The following TTYH2 variants were observed in gnomAD, a reference collection of about 807,000 sequenced individuals.
TTYH2 encodes protein tweety homolog 2.
Under a neutral mutation model 68.3 loss-of-function variants are expected in TTYH2, and 49 were observed. That is an observed-to-expected ratio of 0.72 (90% CI 0.57 to 0.91). The LOEUF (loss-of-function observed/expected upper bound fraction) is 0.91, where lower values mean the gene tolerates loss of function less well. Ranked by LOEUF, TTYH2 falls within the 40% of genes least tolerant of loss-of-function variation. TTYH2 has a pLI of 0.00. For missense variants in TTYH2, 631 were observed against 700.4 expected (o/e 0.90, Z 1.12); for synonymous variants, 272 against 300.8 (o/e 0.90, Z 0.99).
intron 10 of TTYH2, chr17:74,250,611 G>T (rs377277767): frequency 1.9e-5 from 9 of 476,698 alleles, no homozygotes; most frequent in South Asian, 1.2e-4. Flanking sequence ...GGTCACTGGG[G>T]GACCCTGAAC....
chr17:74,249,294 T>A lies in TTYH2; in HGVS notation c.875-50T>A, dbSNP rs761695864. 21 of 1,612,218 alleles carry A rather than the reference T, an allele frequency of 1.3e-5. 1 individual carries two copies. The highest frequency in any genetic ancestry group is 1.6e-4 in the Middle Eastern group (1 of 6,080). ...GCTTGGCCACCAAGGATGATAGAGA[T>A]CTCATCTGGTCATTTGTGAGCTGCC... On this transcript the variant is annotated intron_variant, in intron 7 of 13. Coordinates refer to ENST00000269346, the MANE Select transcript of TTYH2 (RefSeq NM_032646.6).
intron 3 of TTYH2, among the ~76,000 whole-genome samples, chr17:74,233,208 G>A (rs993325787): frequency 1.3e-5 from 2 of 152,126 alleles, no homozygotes; most frequent in African/African-American, 4.8e-5. Context: ...TGTAGCTGCT[G>A]CCTTGCCTCC....
intron 4 of TTYH2, 51 bp downstream of exon 4, chr17:74,237,565 T>G: frequency 6.6e-7 from 1 of 1,517,640 alleles, no homozygotes; most frequent in Non-Finnish European, 9.0e-7. Flanking sequence ...CTACATCAGC[T>G]TTGTTTATCC....
intron 13 of TTYH2, among the ~76,000 whole-genome samples, chr17:74,257,570 T>G (rs1007878742): frequency 1.3e-5 from 2 of 152,172 alleles, no homozygotes; most frequent in African/African-American, 4.8e-5. Context: ...TCTGGGACAG[T>G]CAGGGGACCT....
rs1359249693 is a variant in TTYH2, at chr17:74,230,889, GC to G, written c.305del (p.Ala102ValfsTer20). The G allele has an allele frequency of 6.2e-7, 1 of 1,614,034 alleles. No homozygotes were observed. The highest frequency in any genetic ancestry group is 8.5e-7 in the Non-Finnish European group (1 of 1,179,958). ...TAVVAGLICCAAVGVGFYGNS... is the reference protein window; with the variant it reads ...TAVVAGLICCXAVGVGFYGNS... ...CTCTGTTTGGGATCTTGCTTATAGT[GC>G]TGCGGTGGGCGTTGGTTTCTATGGA... On this transcript the variant is annotated frameshift_variant and splice_region_variant, in exon 3 of 14. Transcript: ENST00000269346. LOFTEE classifies it high-confidence loss of function.
At chr17:74,238,637 C>T (rs755192588) in intron 4 of TTYH2, among the ~76,000 whole-genome samples, 22 of 152,094 alleles carry the variant, frequency 1.4e-4, no homozygotes, top group Non-Finnish European at 2.9e-4. Flanking sequence ...GAGGCCAAGG[C>T]AGGCAGATCG....
intron 2 of TTYH2, among the ~76,000 whole-genome samples, chr17:74,223,116 T>C (rs1289657535): frequency 2.0e-5 from 3 of 152,106 alleles, no homozygotes; most frequent in Admixed American, 6.5e-5. Flanking sequence ...TTCTTTTATT[T>C]ATTTATTTTA....
At position 74,214,979 on chromosome 17, in the gene TTYH2, C is replaced by T. The variant is rs1030852951; in HGVS notation, c.129+1263C>T. On this transcript the variant is annotated intron_variant, in intron 1 of 13. Coordinates refer to ENST00000269346, the MANE Select transcript of TTYH2 (RefSeq NM_032646.6). The surrounding 1 kb of genome is among the most constrained non-coding windows in gnomAD (Gnocchi z 4.6). The stretch of plus-strand genomic sequence containing the variant: ...TGCCCTACCAGAGGGAGGGGAGCAT[C>T]AGGACCCCTTCCTGGGGTTCAGTGG... Among the ~76,000 whole-genome samples the T allele has an allele frequency of 9.9e-5, 15 of 152,220 alleles. No individual in the cohort carries two copies. The highest frequency in any genetic ancestry group is 3.4e-3 in the Middle Eastern group (1 of 294).
chr17:74,254,081 C>G (rs1463984054), intron 13 of TTYH2, among the ~76,000 whole-genome samples: 5 of 152,230 alleles, frequency 3.3e-5, no homozygotes, highest in Non-Finnish European at 7.3e-5. Flanking sequence ...TGTCATCCAG[C>G]AAGAGGACTT....
At chr17:74,243,579 C>T (rs935895638) in intron 5 of TTYH2, 110 bp downstream of exon 5, 7 of 1,109,186 alleles carry the variant, frequency 6.3e-6, no homozygotes, top group African/African-American at 1.5e-5. Context: ...AGCCAGGCTG[C>T]CTGAGGCCAC....
chr17:74,225,959 G>A (rs988703498), intron 2 of TTYH2, among the ~76,000 whole-genome samples: 5 of 152,258 alleles, frequency 3.3e-5, no homozygotes, highest in African/African-American at 1.2e-4. Context: ...GGCGTGGGCA[G>A]TGACCAGAGG....
At position 74,241,548 on chromosome 17, in the gene TTYH2, C is replaced by T. The variant is rs2050501090; in HGVS notation, c.636-1826C>T. On this transcript the variant is annotated intron_variant, in intron 4 of 13. Transcript: ENST00000269346. The surrounding 1 kb of genome is among the most constrained non-coding windows in gnomAD (Gnocchi z 4.1). ...ATTCGGGGAGTCAGAAAGAACCTCCCTTGGCTGCCAGGCCTCCAGCTTGCT... is the reference window on the plus strand; with the variant it reads ...ATTCGGGGAGTCAGAAAGAACCTCCTTTGGCTGCCAGGCCTCCAGCTTGCT... Among the ~76,000 whole-genome samples the T allele has an allele frequency of 1.3e-5, 2 of 152,194 alleles. No individual in the cohort carries two copies. Among genetic ancestry groups the T allele is most frequent in the African/African-American group, 4.8e-5 (2 of 41,440 alleles).
At chr17:74,230,466 G>T (rs2050376902) in intron 2 of TTYH2, among the ~76,000 whole-genome samples, 1 of 152,098 alleles carries the variant, frequency 6.6e-6, no homozygotes, top group African/African-American at 2.4e-5. Flanking sequence ...AGTGGAAGCT[G>T]TGGGCTCTGG....
Position 74,213,844 on chromosome 17 carries a change from C to T in TTYH2, c.129+128C>T, listed in dbSNP as rs1298819719. The T allele has an allele frequency of 1.6e-6, 2 of 1,230,422 alleles. No individual in the cohort carries two copies. Among genetic ancestry groups the T allele is most frequent in the Non-Finnish European group, 2.2e-6 (2 of 891,616 alleles). The allele number at this position is 1,230,422 out of a possible 1,614,324, so 76.2% of individuals were successfully genotyped here. A position where few individuals can be genotyped will look rare whatever the true frequency, so the allele number is the denominator to read the frequency against. On this transcript the variant is annotated intron_variant, in intron 1 of 13. Coordinates refer to ENST00000269346, the MANE Select transcript of TTYH2 (RefSeq NM_032646.6). The surrounding 1 kb of genome is among the most constrained non-coding windows in gnomAD (Gnocchi z 6.1). ...CCTTCTCTCCCCGCGCAGCCCTTTCCCGTCTCCCCTCTCCCCTTTTCCCCC... is the reference window on the plus strand; with the variant it reads ...CCTTCTCTCCCCGCGCAGCCCTTTCTCGTCTCCCCTCTCCCCTTTTCCCCC...
chr17:74,250,143 G>GCCCCCGTGACTCGGCTCCCT, intron 9 of TTYH2, 115 bp downstream of exon 9: 1 of 1,465,124 alleles, frequency 6.8e-7, no homozygotes, highest in East Asian at 2.4e-5. Context: ...CTGTTCTCCC[G>GCCCCCGTGACTCGGCTCCCT]CCCCCGTGAC....
At chr17:74,252,163 C>T in intron 10 of TTYH2, 71 bp from the exon 11 acceptor site, 1 of 1,587,372 alleles carries the variant, frequency 6.3e-7, no homozygotes. Flanking sequence ...GAGGGACTTC[C>T]AGAGGAGAGC....
chr17:74,255,308 G>A (rs529788136), intron 13 of TTYH2, among the ~76,000 whole-genome samples: 30 of 152,196 alleles, frequency 2.0e-4, no homozygotes, highest in Non-Finnish European at 3.8e-4. Flanking sequence ...TCGGTGGTGT[G>A]TGCAATGGGC....
At chr17:74,250,681 T>C (rs907831139) in intron 10 of TTYH2, 5 of 224,308 alleles carry the variant, frequency 2.2e-5, no homozygotes, top group Non-Finnish European at 3.5e-5. Flanking sequence ...AACACATCTG[T>C]CTCCCTGGGT....
chr17:74,260,285 AT>A lies in TTYH2; in HGVS notation c.*77del. ...TGCAAATACAAGCTGCGTTTCTTTA[AT>A]AGAAACCAAAGGCATCTGGAGCCCG... On this transcript the variant is annotated 3_prime_UTR_variant, in exon 14 of 14. Transcript: ENST00000269346. The A allele has an allele frequency of 6.7e-7, 1 of 1,502,278 alleles. No homozygotes were observed. Among genetic ancestry groups the A allele is most frequent in the Non-Finnish European group, 9.2e-7 (1 of 1,085,086 alleles). 93.1% of individuals were successfully genotyped at this position (1,502,278 alleles called of 1,614,324 possible).
Sources: allele counts gnomAD v4.1 joint callset (sites outside exome capture counted in the v4.1 genomes callset), GRCh38; gene constraint gnomAD v4.1.1; non-coding constraint Gnocchi (gnomAD v3.1); transcripts MANE v1.5; gene names NCBI Gene and HGNC (gene_info 2026-07-23, HGNC 2026-07-21).